LRRC41: variants seen among roughly 807,000 people sequenced by gnomAD.
LRRC41 encodes leucine rich repeat containing 41, also known as leucine-rich repeat-containing protein 41.
In LRRC41, 17 loss-of-function variants were observed where a neutral mutation model predicts 72.1. That is an observed-to-expected ratio of 0.24 (90% confidence interval 0.16 to 0.35). The LOEUF (loss-of-function observed/expected upper bound fraction) is 0.35, where lower values mean the gene tolerates loss of function less well. LRRC41 is among the 10% of genes least tolerant of loss of function. The pLI is 1.00. For synonymous variants in LRRC41, 427 were observed against 431.0 expected (o/e 0.99, Z 0.11); for missense variants, 759 against 1,065.0 (o/e 0.71, Z 4.00).
chr1:46,285,504 T>C lies in LRRC41; in HGVS notation c.1353A>G (p.Pro451=), dbSNP rs1299807176. Residue 451 remains proline (P), a synonymous_variant, in exon 4 of 10, where the codon CCA becomes CCG. Coordinates refer to ENST00000617190, the MANE Select transcript of LRRC41 (RefSeq NM_006369.5). The surrounding 1 kb of genome is among the most constrained non-coding windows in gnomAD (Gnocchi z 5.3). ...DGSDPSCLGL[P]ALEASQRFRS... The stretch of plus-strand genomic sequence containing the variant: ...GGAATCTTTGTGAAGCTTCCAGTGC[T>C]GGAAGCCCCAGGCAGCTGGGATCTG... 5 of 1,614,046 alleles carry C rather than the reference T, an allele frequency of 3.1e-6. No individual in the cohort carries two copies. The East Asian group carries it at 8.9e-5, about 29-fold the overall frequency.
intron 4 of LRRC41, chr1:46,284,367 G>C (rs1166090402): frequency 6.6e-6 from 1 of 152,142 alleles, no homozygotes; most frequent in Non-Finnish European, 1.5e-5. Flanking sequence ...TTATCCTGAG[G>C]AAGTCACTTG....
At chr1:46,294,174 G>A (rs1172628682) in intron 3 of LRRC41, among the ~76,000 whole-genome samples, 1 of 151,386 alleles carries the variant, frequency 6.6e-6, no homozygotes, top group East Asian at 1.9e-4. Context: ...GAGTGCGATG[G>A]TGTGATCTCG....
chr1:46,282,015 G>C (rs1327330650), intron 4 of LRRC41, among the ~76,000 whole-genome samples: 1 of 151,800 alleles, frequency 6.6e-6, no homozygotes, highest in Non-Finnish European at 1.5e-5. Flanking sequence ...GGAGACGGAG[G>C]TTGCAGTGAG....
chr1:46,288,618 ACT>A (rs1053484317), intron 3 of LRRC41, among the ~76,000 whole-genome samples: 6 of 152,070 alleles, frequency 3.9e-5, no homozygotes, highest in African/African-American at 1.4e-4. Flanking sequence ...TACTGGAGTG[ACT>A]CTCAGTTCCT....
At chr1:46,289,008 A>G (rs781299572) in intron 3 of LRRC41, among the ~76,000 whole-genome samples, 4 of 152,230 alleles carry the variant, frequency 2.6e-5, no homozygotes, top group Non-Finnish European at 4.4e-5. Flanking sequence ...GGTTATTACA[A>G]TATCTGTGCC....
At position 46,285,570 on chromosome 1, in the gene LRRC41, C is replaced by G. The variant is rs1333287442; in HGVS notation, c.1287G>C (p.Glu429Asp). The G allele has an allele frequency of 1.2e-6, 2 of 1,613,512 alleles. No homozygotes were observed. Among genetic ancestry groups the G allele is most frequent in the African/African-American group, 2.7e-5 (2 of 74,930 alleles). Reference protein sequence around the residue: ...IVAGEKEDGEEMEIGEVACGA... With the variant: ...IVAGEKEDGEDMEIGEVACGA... ...CACAAGCCACTTCCCCAATCTCCAT[C>G]TCTTCGCCATCCTCCTTCTCGCCAG... The change falls in exon 4 of 10, where the codon GAG becomes GAC. Residue 429 changes from glutamate (E) to aspartate (D), a missense_variant. Physicochemically the swap from Glu to Asp is conservative, Grantham distance 45. Coordinates refer to ENST00000617190, the MANE Select transcript of LRRC41 (RefSeq NM_006369.5). This position sits in a 1 kb window ranked among gnomAD's most constrained non-coding sequence, Gnocchi z 5.3.
At chr1:46,282,586 C>T (rs1210811638) in intron 4 of LRRC41, among the ~76,000 whole-genome samples, 2 of 152,070 alleles carry the variant, frequency 1.3e-5, no homozygotes, top group East Asian at 3.8e-4. Context: ...TAAAGGCACT[C>T]CAGCTAAGTC....
At chr1:46,295,421 A>C (rs1661102103) in intron 3 of LRRC41, among the ~76,000 whole-genome samples, 1 of 152,220 alleles carries the variant, frequency 6.6e-6, no homozygotes. Flanking sequence ...CTTTATAAGC[A>C]TTCTATATTT....
chr1:46,294,843 T>C (rs1031049225), intron 3 of LRRC41, among the ~76,000 whole-genome samples: 7 of 152,218 alleles, frequency 4.6e-5, no homozygotes, highest in African/African-American at 7.2e-5. Flanking sequence ...TCCACCCGCG[T>C]TGGCCTCTCA....
intron 4 of LRRC41, among the ~76,000 whole-genome samples, chr1:46,282,922 A>T (rs944212668): frequency 2.6e-4 from 40 of 151,926 alleles, no homozygotes; most frequent in African/African-American, 9.4e-4. Context: ...AATCCCAGCT[A>T]CTGAGTCAGT....
intron 3 of LRRC41, chr1:46,296,626 G>A (rs959292751): frequency 3.1e-4 from 47 of 152,154 alleles, no homozygotes; most frequent in African/African-American, 1.1e-3. Flanking sequence ...ATCTGTATCA[G>A]TGAATAATAG....
At position 46,303,116 on chromosome 1, in the gene LRRC41, C is replaced by A; in HGVS notation, c.199+8G>T. On this transcript the variant is annotated splice_region_variant and intron_variant, in intron 1 of 9. Transcript: ENST00000617190. Reference sequence around the variant, plus strand: ...TAGCCAGAGGTAGCCCCTCACCCCGCGACTTACCCCACACCCCGCTCTCCA... The same window carrying A: ...TAGCCAGAGGTAGCCCCTCACCCCGAGACTTACCCCACACCCCGCTCTCCA... The A allele has an allele frequency of 7.1e-7, 1 of 1,403,532 alleles. No individual in the cohort carries two copies. The allele number at this position is 1,403,532 out of a possible 1,614,324, so 86.9% of individuals were successfully genotyped here. A position where few individuals can be genotyped will look rare whatever the true frequency, so the allele number is the denominator to read the frequency against.
chr1:46,278,118 CCT>C lies in LRRC41; in HGVS notation c.*745_*746del, dbSNP rs773114665. On this transcript the variant is annotated 3_prime_UTR_variant, in exon 10 of 10. Coordinates refer to ENST00000617190, the MANE Select transcript of LRRC41 (RefSeq NM_006369.5). The stretch of plus-strand genomic sequence containing the variant: ...CAACAGCCGTCAGATCCGGCCACCC[CCT>C]GATGGTTCTGACTGCACTTCAGACC... 4.0e-5 allele frequency: 65 copies of C among 1,613,984 alleles called. 1 individual carries two copies. The highest frequency in any genetic ancestry group is 3.4e-4 in the South Asian group (31 of 90,996).
At position 46,303,347 on chromosome 1, in the gene LRRC41, A is replaced by G. The variant is rs997598643; in HGVS notation, c.-25T>C. 1.5e-5 allele frequency: 22 copies of G among 1,482,050 alleles called. No individual in the cohort carries two copies. The highest frequency in any genetic ancestry group is 2.0e-5 in the Non-Finnish European group (22 of 1,118,696). 91.8% of individuals were successfully genotyped at this position (1,482,050 alleles called of 1,614,324 possible). On this transcript the variant is annotated 5_prime_UTR_variant, in exon 1 of 10. Coordinates refer to ENST00000617190, the MANE Select transcript of LRRC41 (RefSeq NM_006369.5). ...TCTTGGGGAGGTGCGCGAGCCCGAG[A>G]GTGTCGCCCGCGGACCGCCATCTTG...
intron 3 of LRRC41, among the ~76,000 whole-genome samples, chr1:46,287,097 C>T (rs1660900207): frequency 6.6e-6 from 1 of 151,934 alleles, no homozygotes; most frequent in South Asian, 2.1e-4. Context: ...GTCACCGCAC[C>T]TAGCCCCTTA....
chr1:46,285,230 A>C lies in LRRC41; in HGVS notation c.1495+132T>G. ...AGCAATGACAGTCTCCCCTGCTATG[A>C]GGCATACAAGCCTTCCTCTCTAACC... On this transcript the variant is annotated intron_variant, in intron 4 of 9. Transcript: ENST00000617190. This position sits in a 1 kb window ranked among gnomAD's most constrained non-coding sequence, Gnocchi z 5.3. The C allele has an allele frequency of 1.3e-6, 1 of 788,820 alleles. No homozygotes were observed. The highest frequency in any genetic ancestry group is 2.1e-6 in the Non-Finnish European group (1 of 468,528). The allele number at this position is 788,820 out of a possible 1,614,324, so 48.9% of individuals were successfully genotyped here.
rs1317688688 is a variant in LRRC41 at position 46,285,331 on chromosome 1, A to T, written c.1495+31T>A. ...ACAGCTGGTGCTGCTAGGCAATCTA[A>T]GCCCAATCCCTGCCACTCCAGGGTG... is the stretch of plus-strand genomic sequence containing the variant. On this transcript the variant is annotated intron_variant, in intron 4 of 9. Transcript: ENST00000617190. This position sits in a 1 kb window ranked among gnomAD's most constrained non-coding sequence, Gnocchi z 5.3. 1 of 1,609,496 alleles carries T rather than the reference A, an allele frequency of 6.2e-7. No individual in the cohort carries two copies. Among genetic ancestry groups the T allele is most frequent in the Non-Finnish European group, 8.5e-7 (1 of 1,177,918 alleles).
intron 3 of LRRC41, among the ~76,000 whole-genome samples, chr1:46,295,144 C>T (rs754994758): frequency 5.9e-5 from 9 of 152,090 alleles, no homozygotes; most frequent in African/African-American, 7.2e-5. Context: ...ACTGCAGCCT[C>T]GACTTCCCAG....
In LRRC41 at chr1:46,286,527, C is replaced by G; in HGVS notation, c.358-28G>C. 1.9e-6 allele frequency: 3 copies of G among 1,560,020 alleles called. No homozygotes were observed. The South Asian group carries it at 3.6e-5, about 19-fold the overall frequency. ...GAAACGCAGAAAACATGCCAGACAG[C>G]CATGATATATCCATGAAACTGTCCA... On this transcript the variant is annotated intron_variant, in intron 3 of 9. Transcript: ENST00000617190. The surrounding 1 kb of genome is among the most constrained non-coding windows in gnomAD (Gnocchi z 5.5).
Sources: gnomAD v4.1 joint callset for allele counts (sites outside exome capture counted in the v4.1 genomes callset) on GRCh38, gnomAD v4.1.1 for gene constraint, Gnocchi (gnomAD v3.1) non-coding constraint, MANE v1.5 for transcripts, NCBI Gene and HGNC (gene_info 2026-07-23, HGNC 2026-07-21) for gene names.